Variants in DLGAP2 observed in about 807,000 individuals in gnomAD.
DLGAP2 encodes DLG associated protein 2, also known as disks large-associated protein 2.
A neutral mutation model predicts 100.3 loss-of-function variants in DLGAP2; 26 were observed. The ratio of observed to expected loss-of-function variants is 0.26; its 90% CI spans 0.19 to 0.36. The LOEUF (loss-of-function observed/expected upper bound fraction) is 0.36, where lower values mean the gene tolerates loss of function less well. DLGAP2 is among the 10% of genes least tolerant of loss of function. The probability of loss-of-function intolerance (pLI) is 1.00; values close to 1 mark genes in which losing one functional copy is unlikely to be tolerated. For missense variants in DLGAP2, 1,858 were observed against 1,453.2 expected, an observed-to-expected ratio of 1.28 and a Z score of -4.53; for synonymous variants, 886 against 630.1, an observed-to-expected ratio of 1.41 and a Z score of -6.08.
chr8:1,476,412 C>T (rs780870739), intron 3 of DLGAP2, among the ~76,000 whole-genome samples: 57 of 152,254 alleles, frequency 3.7e-4, no homozygotes, highest in Non-Finnish European at 6.3e-4. Flanking sequence ...CCTTTCTTCC[C>T]CTCTACACTC....
At chr8:1,683,962 A>G (rs1298856785) in intron 12 of DLGAP2, among the ~76,000 whole-genome samples, 3,961 of 85,358 alleles carry the variant, frequency 0.046, 161 homozygotes, top group Non-Finnish European at 0.058. Flanking sequence ...GTGTATATAT[A>G]TATATATATA....
intron 2 of DLGAP2, among the ~76,000 whole-genome samples, chr8:928,700 G>A (rs1035777763): frequency 2.0e-5 from 3 of 152,094 alleles, no homozygotes; most frequent in Non-Finnish European, 4.4e-5. Flanking sequence ...CGGGTCAGGC[G>A]CAAGGTGTCC....
chr8:1,610,456 C>T (rs1279237859), intron 6 of DLGAP2, among the ~76,000 whole-genome samples: 1 of 148,134 alleles, frequency 6.8e-6, no homozygotes, highest in African/African-American at 2.5e-5. Flanking sequence ...AAAATTGACA[C>T]CCTAACATCA....
intron 2 of DLGAP2, among the ~76,000 whole-genome samples, chr8:1,166,600 T>C (rs561876673): frequency 6.6e-6 from 1 of 152,272 alleles, no homozygotes; most frequent in South Asian, 2.1e-4. Context: ...ATTTCTCCAA[T>C]TATTTTATCC....
At chr8:878,725 A>C (rs2128992903) in intron 1 of DLGAP2, among the ~76,000 whole-genome samples, 1 of 152,262 alleles carries the variant, frequency 6.6e-6, no homozygotes, top group South Asian at 2.1e-4. Flanking sequence ...GTTGCTTTCC[A>C]AGAAGGTGGA....
At chr8:1,564,796 A>G (rs555726289) in intron 5 of DLGAP2, among the ~76,000 whole-genome samples, 1 of 152,334 alleles carries the variant, frequency 6.6e-6, no homozygotes, top group East Asian at 1.9e-4. Context: ...TATAACAAGC[A>G]CAGGTGGTCA....
chr8:1,292,437 G>A (rs62483905), intron 3 of DLGAP2, among the ~76,000 whole-genome samples: 31,411 of 152,100 alleles, frequency 0.21, 3,331 homozygotes, highest in Middle Eastern at 0.26. Context: ...CGCTGTCTTT[G>A]GGCAGCTCAG....
At chr8:854,077 G>A (rs1161191433) in intron 1 of DLGAP2, among the ~76,000 whole-genome samples, 1 of 152,186 alleles carries the variant, frequency 6.6e-6, no homozygotes, top group African/African-American at 2.4e-5. Flanking sequence ...GCTGTGCCTG[G>A]TTGGTGGACT....
At chr8:1,513,102 G>A (rs894223036) in intron 4 of DLGAP2, among the ~76,000 whole-genome samples, 15 of 151,830 alleles carry the variant, frequency 9.9e-5, no homozygotes, top group African/African-American at 3.1e-4. Context: ...AGGGCAAGAC[G>A]GGAGAGGCCA....
intron 2 of DLGAP2, among the ~76,000 whole-genome samples, chr8:914,673 AG>A (rs1313282978): frequency 1.3e-5 from 2 of 152,240 alleles, no homozygotes; most frequent in Admixed American, 6.5e-5. Context: ...ACCCCAGAGC[AG>A]GTTAATGTAC....
chr8:1,097,105 A>G (rs6989289), intron 2 of DLGAP2, among the ~76,000 whole-genome samples: 4,454 of 65,412 alleles, frequency 0.068, 190 homozygotes, highest in Middle Eastern at 0.12. Context: ...CAGGAGAGTC[A>G]AGCTGGGAGC....
chr8:1,683,357 C>T (rs959631334), intron 12 of DLGAP2, among the ~76,000 whole-genome samples: 6 of 151,392 alleles, frequency 4.0e-5, no homozygotes, highest in African/African-American at 1.5e-4. Context: ...ACAGAGGCCC[C>T]TTTGTCTCCT....
chr8:875,525 G>A (rs993444794), intron 1 of DLGAP2, among the ~76,000 whole-genome samples: 2 of 152,180 alleles, frequency 1.3e-5, no homozygotes, highest in Non-Finnish European at 2.9e-5. Context: ...CTGCTGCCAT[G>A]TGAAGAAGGA....
intron 2 of DLGAP2, among the ~76,000 whole-genome samples, chr8:1,121,305 A>T (rs1585079873): frequency 6.8e-6 from 1 of 146,564 alleles, no homozygotes; most frequent in Admixed American, 6.8e-5. Context: ...AGCCATGGCC[A>T]CCCATCCTCG....
At chr8:1,335,711 G>T (rs73670769) in intron 3 of DLGAP2, among the ~76,000 whole-genome samples, 3 of 152,318 alleles carry the variant, frequency 2.0e-5, no homozygotes, top group Middle Eastern at 3.4e-3. Context: ...TGTGCAGGAC[G>T]CAGGACGCCC....
intron 1 of DLGAP2, among the ~76,000 whole-genome samples, chr8:850,387 A>C (rs1252479379): frequency 6.6e-6 from 1 of 152,228 alleles, no homozygotes; most frequent in South Asian, 2.1e-4. Context: ...CACTTTGTGC[A>C]GAAATTTTAT....
At chr8:1,670,937 G>C (rs188806127) in intron 10 of DLGAP2, among the ~76,000 whole-genome samples, 1 of 152,330 alleles carries the variant, frequency 6.6e-6, no homozygotes, top group East Asian at 1.9e-4. Context: ...AGCTGCAGAC[G>C]GCAGCCTTGC....
At chr8:803,598 T>A (rs1180693924) in intron 1 of DLGAP2, among the ~76,000 whole-genome samples, 1 of 152,014 alleles carries the variant, frequency 6.6e-6, no homozygotes, top group Non-Finnish European at 1.5e-5. Flanking sequence ...CCCGGCATTC[T>A]GCTTTTAAGT....
intron 1 of DLGAP2, among the ~76,000 whole-genome samples, chr8:856,185 CTTTTTTTTTTT>C (rs71223338): frequency 3.1e-5 from 4 of 130,558 alleles, no homozygotes; most frequent in Admixed American, 2.3e-4. Flanking sequence ...TCTTCTTCTT[CTTTTTTTTTTT>C]TTTTTTTTTG....
Sources: gnomAD v4.1 joint callset for allele counts (sites outside exome capture counted in the v4.1 genomes callset) on GRCh38, gnomAD v4.1.1 for gene constraint, MANE v1.5 for transcripts, NCBI Gene and HGNC (gene_info 2026-07-23, HGNC 2026-07-21) for gene names.